The following UTRN variants were observed in gnomAD, a reference collection of about 807,000 sequenced individuals.
The protein encoded by UTRN is utrophin.
UTRN carries 283 observed loss-of-function variants against 463.9 expected under a neutral mutation model. The ratio of observed to expected loss-of-function variants is 0.61; its 90% confidence interval spans 0.55 to 0.67. The LOEUF (loss-of-function observed/expected upper bound fraction) is 0.67, where lower values mean the gene tolerates loss of function less well. Among genes scored for constraint, UTRN ranks in the 30% least tolerant of loss-of-function variants. The probability of loss-of-function intolerance (pLI) is 0.00; values close to 1 mark genes in which losing one functional copy is unlikely to be tolerated. For missense variants in UTRN, 3,922 were observed against 4,084.3 expected (o/e 0.96, Z 1.08); for synonymous variants, 1,442 against 1,431.5 (o/e 1.01, Z -0.17).
intron 48 of UTRN, among the ~76,000 whole-genome samples, chr6:144,553,894 C>A (rs1360886613): frequency 7.2e-6 from 1 of 138,256 alleles, no homozygotes; most frequent in Non-Finnish European, 1.5e-5. Context: ...CCAGCCTGGG[C>A]GACAGAGCAA....
At chr6:144,669,956 GGTGTGTGTGTGTGT>G (rs35769043) in intron 51 of UTRN, among the ~76,000 whole-genome samples, 11 of 148,000 alleles carry the variant, frequency 7.4e-5, no homozygotes, top group East Asian at 2.0e-4. Flanking sequence ...AGTATTCCAT[GGTGTGTGTGTGTGT>G]GTGTGTGTGT....
intron 2 of UTRN, among the ~76,000 whole-genome samples, chr6:144,297,112 T>C (rs1171495463): frequency 6.6e-6 from 1 of 151,520 alleles, no homozygotes; most frequent in African/African-American, 2.4e-5. Flanking sequence ...AGGTAGTGGA[T>C]TTCATAAGGA....
At chr6:144,580,790 AT>A (rs1240023323) in intron 51 of UTRN, among the ~76,000 whole-genome samples, 3 of 152,110 alleles carry the variant, frequency 2.0e-5, no homozygotes, top group Admixed American at 2.0e-4. Flanking sequence ...ATGCAATGGG[AT>A]TTTTGCTTTA....
chr6:144,557,584 T>A (rs936945396), intron 50 of UTRN, among the ~76,000 whole-genome samples: 1 of 152,288 alleles, frequency 6.6e-6, no homozygotes, highest in African/African-American at 2.4e-5. Flanking sequence ...TCTGATTGTC[T>A]TACGCTCTCA....
chr6:144,678,486 G>A lies in UTRN; in HGVS notation c.7560G>A (p.Leu2520=), dbSNP rs781325271. The change falls in exon 52 of 75, where the codon TTG becomes TTA. Residue 2520 remains leucine (L), a synonymous_variant. Transcript: ENST00000367545. ...ACAGGCAGAAGATGGTAAAAGCTTT[G>A]GGAAATTCTGAAGAGGCTACTATGC... The part of the protein sequence containing the change: ...DGNRQKMVKA[L]GNSEEATMLQ... 33 of 1,613,350 alleles carry A rather than the reference G, an allele frequency of 2.0e-5. No homozygotes were observed. The highest frequency in any genetic ancestry group is 2.5e-5 in the Non-Finnish European group (29 of 1,179,628).
rs551161854 is a variant in UTRN at position 144,807,714 on chromosome 6, A to G, written c.9357+4567A>G. 1.1e-4 allele frequency among the ~76,000 whole-genome samples: 17 copies of G among 152,244 alleles called. No individual in the cohort carries two copies. In the South Asian group the frequency reaches 1.2e-3, roughly 11 times the overall value. On this transcript the variant is annotated intron_variant, in intron 65 of 74. Coordinates refer to ENST00000367545, the MANE Select transcript of UTRN (RefSeq NM_007124.3). Reference sequence around the variant, plus strand: ...AGCACTTAGTTCAGGGGCCTCTGCCAATAGCCTCTACTTTACCAATTAGGA... The same window carrying G: ...AGCACTTAGTTCAGGGGCCTCTGCCGATAGCCTCTACTTTACCAATTAGGA...
At chr6:144,665,786 T>C (rs1780323538) in intron 51 of UTRN, among the ~76,000 whole-genome samples, 1 of 152,204 alleles carries the variant, frequency 6.6e-6, no homozygotes, top group Non-Finnish European at 1.5e-5. Flanking sequence ...GAAAAGTGTG[T>C]AGTCCTATTT....
Position 144,793,921 on chromosome 6 carries a change from G to A in UTRN, c.9008G>A (p.Arg3003Gln), listed in dbSNP as rs770141820. The part of the protein sequence containing the change: ...LLLHDAIQIP[R>Q]QLGEVAAFGG... ...CTTCATGATGCCATCCAGATCCCCC[G>A]GCAGCTAGGTGAAGTAGCAGCTTTT... The change falls in exon 63 of 75, where the codon CGG becomes CAG. Residue 3003 changes from arginine to glutamine, a missense_variant. By Grantham distance (43) the Arg-to-Gln change is conservative. Coordinates refer to ENST00000367545, the MANE Select transcript of UTRN (RefSeq NM_007124.3). 6.2e-6 allele frequency: 10 copies of A among 1,613,990 alleles called. No individual in the cohort carries two copies. The highest frequency in any genetic ancestry group is 4.0e-5 in the African/African-American group (3 of 74,896).
At chr6:144,836,264 G>A (rs116948114) in intron 70 of UTRN, 37 bp from the exon 71 acceptor site, 42 of 1,612,898 alleles carry the variant, frequency 2.6e-5, no homozygotes, top group Non-Finnish European at 3.2e-5. Flanking sequence ...GATAATGCAC[G>A]TGGTAGTCAT....
At chr6:144,791,882 GTTGATC>G (rs1330602535) in intron 62 of UTRN, among the ~76,000 whole-genome samples, 2 of 152,178 alleles carry the variant, frequency 1.3e-5, no homozygotes, top group Non-Finnish European at 2.9e-5. Flanking sequence ...GTTGGGCATA[GTTGATC>G]TTGCTGAAAA....
chr6:144,668,982 A>G (rs1033667570), intron 51 of UTRN, among the ~76,000 whole-genome samples: 6 of 152,202 alleles, frequency 3.9e-5, no homozygotes, highest in African/African-American at 1.2e-4. Context: ...TTCATTACCA[A>G]TGATAGCCAT....
intron 30 of UTRN, 110 bp from the exon 31 acceptor site, chr6:144,489,961 T>C: frequency 6.9e-7 from 1 of 1,450,948 alleles, no homozygotes; most frequent in Non-Finnish European, 9.3e-7. Flanking sequence ...CAACATTATG[T>C]AAAATACGAT....
In UTRN at chr6:144,751,869, C is replaced by A; in HGVS notation, c.8272C>A (p.Gln2758Lys). 6.2e-7 allele frequency: 1 copy of A among 1,612,474 alleles called. No individual in the cohort carries two copies. The highest frequency in any genetic ancestry group is 8.5e-7 in the Non-Finnish European group (1 of 1,179,230). The part of the protein sequence containing the change: ...KVKTVNDLSS[Q>K]LSPLDLHPSL... The stretch of plus-strand genomic sequence containing the variant: ...TAAAACGGTGAATGATTTATCCAGT[C>A]AGCTGTCTCCACTTGACCTGCATCC... The change falls in exon 56 of 75, where the codon CAG becomes AAG. Residue 2758 changes from glutamine (Q) to lysine (K), a missense_variant. Physicochemically the swap from Gln to Lys is moderately conservative, Grantham distance 53. Coordinates refer to ENST00000367545, the MANE Select transcript of UTRN (RefSeq NM_007124.3).
intron 71 of UTRN, 138 bp from the exon 72 acceptor site, chr6:144,839,035 G>T (rs2128761877): frequency 3.4e-6 from 2 of 596,838 alleles, no homozygotes; most frequent in Non-Finnish European, 5.7e-6. Flanking sequence ...ATGCTAAAAT[G>T]TATGGAAAAC....
chr6:144,563,582 G>A (rs937698909), intron 50 of UTRN, among the ~76,000 whole-genome samples: 3 of 152,222 alleles, frequency 2.0e-5, no homozygotes, highest in Non-Finnish European at 2.9e-5. Flanking sequence ...CCAATATGAG[G>A]TTCAGAGATT....
chr6:144,735,173 G>A (rs189382555), intron 54 of UTRN, among the ~76,000 whole-genome samples: 205 of 152,302 alleles, frequency 1.3e-3, no homozygotes, highest in Middle Eastern at 0.01. Context: ...AAAAGTGTCC[G>A]TAGTCATGCA....
intron 50 of UTRN, among the ~76,000 whole-genome samples, chr6:144,561,543 C>G (rs763925983): frequency 4.6e-5 from 7 of 151,760 alleles, no homozygotes; most frequent in African/African-American, 7.3e-5. Flanking sequence ...TCTCCTTGTC[C>G]TTATCGCATT....
At chr6:144,352,526 A>G (rs1321465076) in intron 2 of UTRN, among the ~76,000 whole-genome samples, 2 of 152,164 alleles carry the variant, frequency 1.3e-5, no homozygotes, top group African/African-American at 2.4e-5. Context: ...GGGACATGTC[A>G]TATCTGTCTG....
intron 53 of UTRN, among the ~76,000 whole-genome samples, chr6:144,728,514 G>A (rs888616117): frequency 5.4e-5 from 8 of 148,540 alleles, no homozygotes; most frequent in Non-Finnish European, 8.9e-5. Flanking sequence ...CACATCCTGC[G>A]ATTTCTTCAC....
Sources: gnomAD v4.1 joint callset for allele counts (sites outside exome capture counted in the v4.1 genomes callset) on GRCh38, gnomAD v4.1.1 for gene constraint, MANE v1.5 for transcripts, NCBI Gene and HGNC (gene_info 2026-07-23, HGNC 2026-07-21) for gene names.